SFXN5: variants seen among roughly 807,000 people sequenced by gnomAD.
SFXN5 encodes the protein sideroflexin 5.
Under a neutral mutation model 50.2 loss-of-function variants are expected in SFXN5, and 43 were observed. That is an observed-to-expected ratio of 0.86 (90% CI 0.67 to 1.11). The LOEUF is 1.11. Ranked by LOEUF, SFXN5 falls within the 50% of genes least tolerant of loss-of-function variation. The pLI, the probability that SFXN5 is intolerant of heterozygous loss-of-function variation, is 0.00. For missense variants in SFXN5, 463 were observed against 454.1 expected, an observed-to-expected ratio of 1.02 and a Z score of -0.18; for synonymous variants, 203 against 185.8, an observed-to-expected ratio of 1.09 and a Z score of -0.75.
chr2:73,055,909 G>A (rs570544705), intron 2 of SFXN5, among the ~76,000 whole-genome samples: 13 of 152,326 alleles, frequency 8.5e-5, no homozygotes, highest in African/African-American at 2.6e-4. Context: ...CGGCCACCGG[G>A]CCAGTGAATG....
intron 3 of SFXN5, among the ~76,000 whole-genome samples, chr2:73,027,805 G>A (rs540820670): frequency 1.1e-3 from 162 of 151,838 alleles, no homozygotes; most frequent in African/African-American, 3.5e-3. Flanking sequence ...GACTACAGGC[G>A]TGTGCCACCA....
intron 6 of SFXN5, among the ~76,000 whole-genome samples, chr2:73,013,111 T>C (rs1675741805): frequency 6.6e-6 from 1 of 152,166 alleles, no homozygotes; most frequent in South Asian, 2.1e-4. Flanking sequence ...AGCTGGGATA[T>C]GCAGTCATAA....
At chr2:72,957,131 GCTTCAA>G (rs1466741795) in intron 13 of SFXN5, 3 of 453,842 alleles carry the variant, frequency 6.6e-6, no homozygotes, top group Non-Finnish European at 1.3e-5. Flanking sequence ...CCCTTTCTCA[GCTTCAA>G]CTCCCCCCCA....
At chr2:73,043,012 G>A (rs1679849233) in intron 2 of SFXN5, among the ~76,000 whole-genome samples, 1 of 152,228 alleles carries the variant, frequency 6.6e-6, no homozygotes, top group Non-Finnish European at 1.5e-5. Flanking sequence ...AGGTTGCAGT[G>A]AGCTGAGATC....
intron 9 of SFXN5, chr2:72,996,814 A>G (rs916379123): frequency 3.3e-5 from 5 of 152,154 alleles, no homozygotes; most frequent in Non-Finnish European, 7.3e-5. Flanking sequence ...TTTCCATTCA[A>G]GGCCACTCAG....
rs34361357 is a variant in SFXN5 at position 72,968,122 on chromosome 2, AACACACACACACACACACACAC to A, written c.827+304_827+325del. On this transcript the variant is annotated intron_variant, in intron 12 of 13. Transcript: ENST00000272433. ...CTGAGAGCATGTGAGCACACATGAAAACACACACACACACACACACACACACACACACACACACACACACACA... is the reference window on the plus strand; with the variant it reads ...CTGAGAGCATGTGAGCACACATGAAAACACACACACACACACACACACACA... Among the ~76,000 whole-genome samples, 180 of 137,286 alleles carry A rather than the reference AACACACACACACACACACACAC, an allele frequency of 1.3e-3. 2 individuals are homozygous for A. The Middle Eastern group carries it at 0.022, about 17-fold the overall frequency. 90.1% of individuals were successfully genotyped at this position (137,286 alleles called of 152,430 possible). A position where few individuals can be genotyped will look rare whatever the true frequency, so the allele number is the denominator to read the frequency against.
At chr2:73,069,445 T>C (rs759027381) in intron 1 of SFXN5, among the ~76,000 whole-genome samples, 1 of 152,036 alleles carries the variant, frequency 6.6e-6, no homozygotes, top group Non-Finnish European at 1.5e-5. Flanking sequence ...TCTGGCTGCA[T>C]TGATTGGGTG....
chr2:73,026,111 A>G (rs1384254608), intron 3 of SFXN5, among the ~76,000 whole-genome samples: 3 of 149,158 alleles, frequency 2.0e-5, no homozygotes, highest in South Asian at 2.1e-4. Context: ...CCAGTGGTCT[A>G]ATGCTGTGTG....
At chr2:73,052,125 C>T (rs1020739131) in intron 2 of SFXN5, among the ~76,000 whole-genome samples, 7 of 152,144 alleles carry the variant, frequency 4.6e-5, no homozygotes, top group Non-Finnish European at 8.8e-5. Context: ...TTGTCTCCAT[C>T]ATTCTTTGAG....
intron 12 of SFXN5, among the ~76,000 whole-genome samples, chr2:72,967,504 G>A (rs763741517): frequency 1.3e-5 from 2 of 152,148 alleles, no homozygotes; most frequent in African/African-American, 2.4e-5. Context: ...ACTGAGAGAG[G>A]ACTGGGATAC....
At chr2:72,968,423 C>T (rs376587265) in intron 12 of SFXN5, 25 bp downstream of exon 12, 15 of 1,602,892 alleles carry the variant, frequency 9.4e-6, no homozygotes, top group Non-Finnish European at 1.2e-5. Flanking sequence ...ATGGTGGCCT[C>T]TCCATCCTGG....
intron 2 of SFXN5, among the ~76,000 whole-genome samples, chr2:73,056,470 G>A (rs578050381): frequency 6.6e-6 from 1 of 152,084 alleles, no homozygotes; most frequent in Non-Finnish European, 1.5e-5. Flanking sequence ...TGGATCACCT[G>A]AGGTTGAGAG....
At chr2:73,047,281 C>CATATATATATATATATATAT (rs372933316) in intron 2 of SFXN5, among the ~76,000 whole-genome samples, 1 of 58,512 alleles carries the variant, frequency 1.7e-5, no homozygotes, top group Non-Finnish European at 3.2e-5. Flanking sequence ...TATATACACA[C>CATATATATATATATATATAT]ATATATATAT....
At chr2:73,055,921 C>T (rs1194840202) in intron 2 of SFXN5, among the ~76,000 whole-genome samples, 2 of 152,198 alleles carry the variant, frequency 1.3e-5, no homozygotes, top group East Asian at 3.9e-4. Flanking sequence ...CAGTGAATGT[C>T]TTGAGGCCAG....
intron 6 of SFXN5, among the ~76,000 whole-genome samples, chr2:73,004,336 C>T (rs1284796503): frequency 6.6e-6 from 1 of 151,890 alleles, no homozygotes; most frequent in Non-Finnish European, 1.5e-5. Context: ...CACACACACA[C>T]ACACACACAC....
chr2:73,001,621 C>T, intron 6 of SFXN5, 43 bp from the exon 7 acceptor site: 4 of 1,599,818 alleles, frequency 2.5e-6, no homozygotes, highest in Non-Finnish European at 2.6e-6. Flanking sequence ...GCAGAAGAAA[C>T]ATCCTATGCT....
chr2:72,991,547 T>A (rs60635102), intron 9 of SFXN5, among the ~76,000 whole-genome samples: 2,167 of 152,298 alleles, frequency 0.014, 46 homozygotes, highest in African/African-American at 0.05. Context: ...AATGGCCACT[T>A]ACCCTCACCC....
At chr2:72,946,649 G>A (rs1671965351) in intron 13 of SFXN5, among the ~76,000 whole-genome samples, 1 of 151,918 alleles carries the variant, frequency 6.6e-6, no homozygotes, top group African/African-American at 2.4e-5. Flanking sequence ...CTCTCCCCTG[G>A]CCCCACTCAG....
intron 1 of SFXN5, 132 bp from the exon 2 acceptor site, chr2:73,058,728 C>A: frequency 1.3e-6 from 1 of 759,042 alleles, no homozygotes; most frequent in Non-Finnish European, 2.2e-6. Context: ...TGATAAATGC[C>A]AATGAGGCCT....
Sources: allele counts gnomAD v4.1 joint callset (sites outside exome capture counted in the v4.1 genomes callset), GRCh38; gene constraint gnomAD v4.1.1; transcripts MANE v1.5; gene names NCBI Gene and HGNC (gene_info 2026-07-23, HGNC 2026-07-21).